VMP1: variants seen among roughly 807,000 people sequenced by gnomAD.
VMP1 encodes the protein ectopic P-granules autophagy protein 3 homolog.
A neutral mutation model predicts 56.0 loss-of-function variants in VMP1; 11 were observed. That is an observed-to-expected ratio of 0.20 (90% CI 0.12 to 0.32). VMP1 has a LOEUF of 0.32. Ranked by LOEUF, VMP1 falls within the 10% of genes least tolerant of loss-of-function variation. VMP1 has a pLI of 1.00. For missense variants in VMP1, 296 were observed against 490.3 expected (o/e 0.60, Z 3.74); for synonymous variants, 149 against 165.0 (o/e 0.90, Z 0.74).
At position 59,737,478 on chromosome 17, in the gene VMP1, G is replaced by C; in HGVS notation, c.238G>C (p.Val80Leu). ...ATTATGGCATCGTCAAAGCATTGTGGTGTCTTTTTTACTGCTGCTTGCTGT... is the reference window on the plus strand; with the variant it reads ...ATTATGGCATCGTCAAAGCATTGTGCTGTCTTTTTTACTGCTGCTTGCTGT... ...SKLWHRQSIV[V>L]SFLLLLAVLI... Residue 80 changes from valine to leucine, a missense_variant, in exon 4 of 12, where the codon GTG (valine) becomes CTG (leucine). By Grantham distance (32) the Val-to-Leu change is conservative (BLOSUM62 1). Around this residue, in one of 4 missense-constraint regions of VMP1, gnomAD observed 126 missense variants for 231.6 expected, o/e 0.54. Coordinates refer to ENST00000262291, the MANE Select transcript of VMP1 (RefSeq NM_030938.5). The C allele has an allele frequency of 1.9e-6, 3 of 1,611,746 alleles. No individual in the cohort carries two copies. The highest frequency in any genetic ancestry group is 2.5e-6 in the Non-Finnish European group (3 of 1,179,082).
intron 1 of VMP1, among the ~76,000 whole-genome samples, chr17:59,731,190 C>A (rs961687277): frequency 2.8e-4 from 42 of 152,024 alleles, no homozygotes; most frequent in African/African-American, 1.0e-3. Context: ...AAAAGGTTTA[C>A]AACTATATGG....
intron 7 of VMP1, among the ~76,000 whole-genome samples, chr17:59,804,903 T>C (rs1233609965): frequency 2.0e-5 from 3 of 152,146 alleles, no homozygotes; most frequent in African/African-American, 4.8e-5. Context: ...ATTTGATATA[T>C]AATGTAATTT....
At chr17:59,742,983 G>A (rs2035284686) in intron 5 of VMP1, among the ~76,000 whole-genome samples, 1 of 152,050 alleles carries the variant, frequency 6.6e-6, no homozygotes, top group Non-Finnish European at 1.5e-5. Context: ...ACTGGTTCCT[G>A]GTGCCCAAAA....
chr17:59,791,069 A>G (rs1260333247), intron 7 of VMP1, among the ~76,000 whole-genome samples: 1 of 152,208 alleles, frequency 6.6e-6, no homozygotes, highest in African/African-American at 2.4e-5. Flanking sequence ...ATGATTTTCC[A>G]GAGGCAATTG....
Position 59,773,877 on chromosome 17 carries a change from T to G in VMP1, c.706T>G (p.Ser236Ala). ...TGAAGAGATGCTGGAACATGCAGAGTCTGCACAAGTAAGAACAGTGGGGAT... is the reference window on the plus strand; with the variant it reads ...TGAAGAGATGCTGGAACATGCAGAGGCTGCACAAGTAAGAACAGTGGGGAT... ...EFEEMLEHAE[S>A]AQDFASRAKL... Residue 236 changes from serine to alanine, a missense_variant, in exon 7 of 12, where the codon TCT (serine) becomes GCT (alanine). Physicochemically the swap from Ser to Ala is moderately conservative, Grantham distance 99. Around this residue, in one of 4 missense-constraint regions of VMP1, gnomAD observed 126 missense variants for 231.6 expected, o/e 0.54. Coordinates refer to ENST00000262291, the MANE Select transcript of VMP1 (RefSeq NM_030938.5). 6.2e-7 allele frequency: 1 copy of G among 1,610,986 alleles called. No homozygotes were observed.
intron 6 of VMP1, among the ~76,000 whole-genome samples, chr17:59,772,950 CTTTTTTTTTTTTTTTTTTT>C: frequency 1.8e-5 from 1 of 55,718 alleles, no homozygotes; most frequent in East Asian, 5.9e-4. Context: ...CTGGTGAATT[CTTTTTTTTTTTTTTTTTTT>C]TTTTTTTTTT....
chr17:59,819,741 C>T (rs938235291), intron 10 of VMP1, among the ~76,000 whole-genome samples: 6 of 152,282 alleles, frequency 3.9e-5, no homozygotes, highest in East Asian at 1.9e-4. Context: ...CATGAGCCTC[C>T]GCTCCCAACC....
At chr17:59,747,957 G>A (rs2035491647) in intron 5 of VMP1, among the ~76,000 whole-genome samples, 1 of 151,600 alleles carries the variant, frequency 6.6e-6, no homozygotes, top group Non-Finnish European at 1.5e-5. Flanking sequence ...AGCACTTTGG[G>A]AGGCCAAGAC....
chr17:59,783,559 C>A (rs1332265253), intron 7 of VMP1, among the ~76,000 whole-genome samples: 2 of 152,126 alleles, frequency 1.3e-5, no homozygotes, highest in Non-Finnish European at 2.9e-5. Context: ...CTGTTTTATG[C>A]AAGGTTTAAT....
intron 7 of VMP1, among the ~76,000 whole-genome samples, chr17:59,786,716 TAAA>T (rs2037018788): frequency 6.6e-6 from 1 of 152,206 alleles, no homozygotes; most frequent in East Asian, 1.9e-4. Context: ...CAGGGCTTGT[TAAA>T]GAATTTGTCA....
At chr17:59,798,025 C>A (rs1267220747) in intron 7 of VMP1, among the ~76,000 whole-genome samples, 3 of 152,084 alleles carry the variant, frequency 2.0e-5, no homozygotes, top group African/African-American at 7.2e-5. Flanking sequence ...TCTGGAGTTC[C>A]GGTAATGTTC....
chr17:59,789,949 C>T (rs2645473), intron 7 of VMP1, among the ~76,000 whole-genome samples: 5,555 of 146,778 alleles, frequency 0.038, 369 homozygotes, highest in African/African-American at 0.13. Context: ...AAGCGATTCT[C>T]CTGCCCCAGC....
At chr17:59,751,103 T>A (rs1195716956) in intron 5 of VMP1, among the ~76,000 whole-genome samples, 1 of 151,968 alleles carries the variant, frequency 6.6e-6, no homozygotes, top group Non-Finnish European at 1.5e-5. Flanking sequence ...TGGCTAATTT[T>A]TTGTATTTTC....
chr17:59,757,216 T>C (rs151298183), intron 5 of VMP1, among the ~76,000 whole-genome samples: 1 of 151,300 alleles, frequency 6.6e-6, no homozygotes, highest in East Asian at 1.9e-4. Flanking sequence ...TACTTAAAAC[T>C]CTTCACTACC....
intron 7 of VMP1, among the ~76,000 whole-genome samples, chr17:59,793,813 G>A (rs1295493830): frequency 3.6e-5 from 2 of 54,838 alleles, no homozygotes; most frequent in African/African-American, 7.1e-5. Flanking sequence ...TTTTAGTAGA[G>A]ACAGGGTTTC....
intron 7 of VMP1, among the ~76,000 whole-genome samples, chr17:59,776,257 T>C (rs987404057): frequency 1.3e-5 from 2 of 152,108 alleles, no homozygotes; most frequent in Admixed American, 6.5e-5. Context: ...CCAAGTATGG[T>C]TATAGTTTTT....
chr17:59,838,411 C>G lies in VMP1; in HGVS notation c.1077+14C>G, dbSNP rs758258452. 1 of 1,613,450 alleles carries G rather than the reference C, an allele frequency of 6.2e-7. No homozygotes were observed. The highest frequency in any genetic ancestry group is 8.5e-7 in the Non-Finnish European group (1 of 1,179,422). ...GGCACACCACAGGTAAGACTTTAAT[C>G]CGGTTTCTTCTCCCCTCTGGGAAGT... On this transcript the variant is annotated intron_variant, in intron 11 of 11. Coordinates refer to ENST00000262291, the MANE Select transcript of VMP1 (RefSeq NM_030938.5).
intron 6 of VMP1, among the ~76,000 whole-genome samples, chr17:59,773,307 G>A (rs748678139): frequency 2.0e-5 from 3 of 151,986 alleles, no homozygotes; most frequent in East Asian, 3.9e-4. Context: ...GAAGCGGTGG[G>A]GGGGGGCAAA....
chr17:59,811,684 A>G lies in VMP1; in HGVS notation c.810A>G (p.Leu270=), dbSNP rs757498788. Residue 270 remains leucine (L), a synonymous_variant, in exon 9 of 12, where the codon TTA becomes TTG. Transcript: ENST00000262291. ...ILACASIPNP[L]FDLAGITCGH... ...TCTCTCTATAGATTCCAAATCCTTT[A>G]TTTGATCTGGCTGGAATAACGTGTG... 1.2e-6 allele frequency: 2 copies of G among 1,613,026 alleles called. No homozygotes were observed. The highest frequency in any genetic ancestry group is 2.2e-5 in the East Asian group (1 of 44,834).
Sources: allele counts gnomAD v4.1 joint callset (sites outside exome capture counted in the v4.1 genomes callset), GRCh38; gene constraint gnomAD v4.1.1; regional missense constraint gnomAD v4.1.1; transcripts MANE v1.5; gene names NCBI Gene and HGNC (gene_info 2026-07-23, HGNC 2026-07-21).